NOL4: variants seen among roughly 807,000 people sequenced by gnomAD.
The protein encoded by NOL4 is nucleolar protein 4, also known as cancer/testis antigen 125.
NOL4 carries 17 observed loss-of-function variants against 75.9 expected under a neutral mutation model. The observed-to-expected ratio is 0.22, with a 90% CI of 0.15 to 0.34. The LOEUF (loss-of-function observed/expected upper bound fraction) is 0.34, where lower values mean the gene tolerates loss of function less well. NOL4 is among the 10% of genes least tolerant of loss of function. NOL4 has a pLI of 1.00. For missense variants in NOL4, 614 were observed against 793.5 expected, an observed-to-expected ratio of 0.77 and a Z score of 2.72; for synonymous variants, 292 against 289.9, an observed-to-expected ratio of 1.01 and a Z score of -0.07.
chr18:34,024,998 C>A (rs998950433), intron 5 of NOL4, among the ~76,000 whole-genome samples: 1 of 151,950 alleles, frequency 6.6e-6, no homozygotes, highest in Non-Finnish European at 1.5e-5. Context: ...CAGTAGAATA[C>A]GCAATTAAAG....
chr18:33,966,868 T>C (rs1001353409), intron 6 of NOL4, among the ~76,000 whole-genome samples: 1 of 152,142 alleles, frequency 6.6e-6, no homozygotes, highest in Non-Finnish European at 1.5e-5. Context: ...TGCTCATGGA[T>C]TGGAAGAATC....
At chr18:33,945,087 A>T (rs570293983) in intron 8 of NOL4, among the ~76,000 whole-genome samples, 8 of 151,960 alleles carry the variant, frequency 5.3e-5, no homozygotes, top group Non-Finnish European at 1.0e-4. Flanking sequence ...CATTATTCAA[A>T]TAGGAGTGAG....
chr18:34,108,670 C>G (rs1427458205), intron 2 of NOL4, among the ~76,000 whole-genome samples: 1 of 152,054 alleles, frequency 6.6e-6, no homozygotes, highest in Non-Finnish European at 1.5e-5. Flanking sequence ...ATATGTACCT[C>G]AAATCAGAGC....
chr18:33,968,368 C>T (rs920645306), intron 6 of NOL4, among the ~76,000 whole-genome samples: 30 of 152,230 alleles, frequency 2.0e-4, no homozygotes, highest in African/African-American at 6.7e-4. Flanking sequence ...ATAGCAAAGA[C>T]ATGGAATCAA....
rs373806128 is a variant in NOL4 at position 34,123,703 on chromosome 18, T to C, written c.414+6168A>G. ...TATATCTAATAGATATATATGTATA[T>C]ATAGAGAGATAGATGGATACATATA... On this transcript the variant is annotated intron_variant, in intron 2 of 10. Coordinates refer to ENST00000261592, the MANE Select transcript of NOL4 (RefSeq NM_003787.5). Among the ~76,000 whole-genome samples the C allele has an allele frequency of 5.4e-5, 8 of 148,456 alleles. No individual in the cohort carries two copies. In the East Asian group the frequency reaches 1.2e-3, roughly 22 times the overall value.
intron 1 of NOL4, among the ~76,000 whole-genome samples, chr18:34,207,204 G>T (rs911166482): frequency 3.9e-5 from 6 of 151,918 alleles, no homozygotes; most frequent in African/African-American, 1.4e-4. Context: ...GACATCTTCT[G>T]ATTTTTTTCT....
intron 9 of NOL4, among the ~76,000 whole-genome samples, chr18:33,929,498 C>A (rs2067544934): frequency 6.6e-6 from 1 of 152,140 alleles, no homozygotes; most frequent in African/African-American, 2.4e-5. Flanking sequence ...TTTCACTTAT[C>A]TTTAACAGAA....
rs764976651 is a variant in NOL4, at chr18:34,093,446, G to A, written c.772+19C>T. ...TTTTTGCTGTTGTTTTGCTTATTTA[G>A]TCAAACTGAAAGGCTTACCATCTTG... On this transcript the variant is annotated intron_variant, in intron 5 of 10. Coordinates refer to ENST00000261592, the MANE Select transcript of NOL4 (RefSeq NM_003787.5). 1 of 1,546,982 alleles carries A rather than the reference G, an allele frequency of 6.5e-7. No individual in the cohort carries two copies.
chr18:34,094,529 C>T (rs563718421), intron 4 of NOL4, among the ~76,000 whole-genome samples: 2 of 152,244 alleles, frequency 1.3e-5, no homozygotes, highest in South Asian at 2.1e-4. Context: ...AAATGTTAAA[C>T]CAAATCTAGG....
At chr18:33,862,042 A>G (rs1371028020) in intron 10 of NOL4, among the ~76,000 whole-genome samples, 1 of 152,194 alleles carries the variant, frequency 6.6e-6, no homozygotes, top group East Asian at 1.9e-4. Flanking sequence ...ACAGTAACCA[A>G]AACAGCATGG....
At chr18:34,046,872 C>G (rs2076403840) in intron 5 of NOL4, among the ~76,000 whole-genome samples, 2 of 151,648 alleles carry the variant, frequency 1.3e-5, no homozygotes, top group Non-Finnish European at 2.9e-5. Context: ...AACACAATTA[C>G]CTCTTTCCTT....
intron 5 of NOL4, among the ~76,000 whole-genome samples, chr18:34,071,434 G>GACACACACAC (rs879681812): frequency 1.5e-5 from 1 of 66,522 alleles, no homozygotes; most frequent in Non-Finnish European, 3.3e-5. Flanking sequence ...CAGACAGACA[G>GACACACACAC]ACAGACACAC....
chr18:33,961,492 C>T lies in NOL4; in HGVS notation c.1057-3074G>A, dbSNP rs141732190. ...TTCAAACTTGAACTGAACTCCACCA[C>T]TGGCTTTCCTGGATATTCAGCTTGC... On this transcript the variant is annotated intron_variant, in intron 6 of 10. Transcript: ENST00000261592. 2.8e-4 allele frequency among the ~76,000 whole-genome samples: 42 copies of T among 152,240 alleles called. 1 individual carries two copies. The highest frequency in any genetic ancestry group is 9.6e-4 in the African/African-American group (40 of 41,562).
intron 6 of NOL4, among the ~76,000 whole-genome samples, chr18:33,980,459 T>C (rs1334484139): frequency 6.6e-6 from 1 of 151,982 alleles, no homozygotes; most frequent in African/African-American, 2.4e-5. Context: ...TGCCAGAGCA[T>C]TCTGTTCTTT....
intron 1 of NOL4, among the ~76,000 whole-genome samples, chr18:34,151,591 G>A (rs2081640568): frequency 6.6e-6 from 1 of 151,680 alleles, no homozygotes; most frequent in South Asian, 2.1e-4. Flanking sequence ...ATATATTTAG[G>A]GCAGTGAAAC....
intron 10 of NOL4, among the ~76,000 whole-genome samples, chr18:33,860,336 C>T (rs1456318627): frequency 6.6e-6 from 1 of 152,096 alleles, no homozygotes; most frequent in Admixed American, 6.6e-5. Flanking sequence ...ACCAATCATG[C>T]CTCCCTGACA....
At position 34,144,117 on chromosome 18, in the gene NOL4, T is replaced by C. The variant is rs1220482813; in HGVS notation, c.265-14097A>G. Among the ~76,000 whole-genome samples, 3 of 152,204 alleles carry C rather than the reference T, an allele frequency of 2.0e-5. No individual in the cohort carries two copies. In the South Asian group the frequency reaches 6.2e-4, roughly 32 times the overall value. On this transcript the variant is annotated intron_variant, in intron 1 of 10. Coordinates refer to ENST00000261592, the MANE Select transcript of NOL4 (RefSeq NM_003787.5). ...AACCAGATGAACCACCTCAAGAGTA[T>C]AGACAATACTACACTATATAAAAAT...
intron 10 of NOL4, among the ~76,000 whole-genome samples, chr18:33,869,596 A>T (rs1567981602): frequency 6.6e-6 from 1 of 152,078 alleles, no homozygotes; most frequent in African/African-American, 2.4e-5. Context: ...AAGCATGGAT[A>T]TTCTGCATAT....
At chr18:34,210,881 T>C (rs756569544) in intron 1 of NOL4, among the ~76,000 whole-genome samples, 8 of 152,172 alleles carry the variant, frequency 5.3e-5, no homozygotes, top group Non-Finnish European at 1.2e-4. Context: ...GCACCATTTA[T>C]AGTGGAATAG....
Sources: allele counts gnomAD v4.1 joint callset (sites outside exome capture counted in the v4.1 genomes callset), GRCh38; gene constraint gnomAD v4.1.1; transcripts MANE v1.5; gene names NCBI Gene and HGNC (gene_info 2026-07-23, HGNC 2026-07-21).